Variants in REV1 observed in about 807,000 individuals in gnomAD.
REV1 encodes REV1 DNA directed polymerase.
REV1 carries 42 observed loss-of-function variants against 137.4 expected under a neutral mutation model. The observed-to-expected ratio is 0.31, with a 90% CI of 0.24 to 0.40. REV1 has a LOEUF of 0.40. REV1 is among the 10% of genes least tolerant of loss of function. REV1 has a pLI of 1.00. For missense variants in REV1, 1,282 were observed against 1,490.1 expected (o/e 0.86, Z 2.30); for synonymous variants, 524 against 519.2 (o/e 1.01, Z -0.12).
chr2:99,455,108 CA>C (rs1683393854), intron 3 of REV1, among the ~76,000 whole-genome samples: 3 of 152,330 alleles, frequency 2.0e-5, no homozygotes, highest in South Asian at 4.1e-4. Flanking sequence ...ATTGAGAAAA[CA>C]TTTACTATAT....
chr2:99,449,242 G>A, intron 4 of REV1, 94 bp downstream of exon 4: 1 of 701,048 alleles, frequency 1.4e-6, no homozygotes, highest in Admixed American at 4.3e-5. Flanking sequence ...TCTAGCCTGG[G>A]CGACAAAGCG....
intron 16 of REV1, 23 bp downstream of exon 16, chr2:99,406,302 G>T (rs904901098): frequency 1.3e-6 from 2 of 1,586,566 alleles, no homozygotes; most frequent in African/African-American, 2.7e-5. Flanking sequence ...ACCTAAAAAA[G>T]AACCACATTG....
chr2:99,438,594 T>A lies in REV1; in HGVS notation c.1213+7A>T, dbSNP rs766326747. The A allele has an allele frequency of 1.9e-6, 3 of 1,597,394 alleles. No individual in the cohort carries two copies. The highest frequency in any genetic ancestry group is 1.7e-5 in the Admixed American group (1 of 59,902). On this transcript the variant is annotated splice_region_variant and intron_variant, in intron 6 of 22. Transcript: ENST00000258428. ...TTCTTAAGAAGACAATTTTAATAAG[T>A]ATCTACCTGTGTCAGTTACAACAAG...
At chr2:99,437,840 C>T (rs1680958473) in intron 6 of REV1, among the ~76,000 whole-genome samples, 1 of 152,048 alleles carries the variant, frequency 6.6e-6, no homozygotes, top group Non-Finnish European at 1.5e-5. Context: ...CATAGGAATA[C>T]ATCAAACTCA....
chr2:99,452,009 C>G (rs1345279082), intron 3 of REV1, among the ~76,000 whole-genome samples: 6 of 151,818 alleles, frequency 4.0e-5, no homozygotes, highest in Non-Finnish European at 8.8e-5. Context: ...TTCTTCAATA[C>G]TAGAACATAC....
At chr2:99,403,465 CT>C in intron 19 of REV1, 1 of 617,554 alleles carries the variant, frequency 1.6e-6, no homozygotes. Flanking sequence ...CCTATTCCAA[CT>C]TTTTAAAAAG....
chr2:99,428,309 T>C (rs1679645782), intron 9 of REV1, among the ~76,000 whole-genome samples: 1 of 152,176 alleles, frequency 6.6e-6, no homozygotes, highest in Non-Finnish European at 1.5e-5. Flanking sequence ...ACTAGCCTAC[T>C]GAGCACAACA....
At chr2:99,486,917 GA>G (rs10711134) in intron 1 of REV1, among the ~76,000 whole-genome samples, 64,642 of 149,416 alleles carry the variant, frequency 0.43, 13,995 homozygotes, top group Admixed American at 0.58. Flanking sequence ...AAATAAGTGG[GA>G]AAAAAAAAAC....
intron 9 of REV1, among the ~76,000 whole-genome samples, chr2:99,428,991 CAA>C (rs762850171): frequency 1.7e-4 from 11 of 63,836 alleles, no homozygotes; most frequent in South Asian, 6.0e-4. Flanking sequence ...GACTCCGTCT[CAA>C]AAAAAAAAAA....
intron 3 of REV1, among the ~76,000 whole-genome samples, chr2:99,458,306 G>C (rs1445369988): frequency 6.6e-6 from 1 of 152,154 alleles, no homozygotes; most frequent in Non-Finnish European, 1.5e-5. Context: ...TTTCACCAAT[G>C]ATGATGTAAA....
chr2:99,407,877 A>G (rs1451537226), intron 15 of REV1, 152 bp downstream of exon 15: 2 of 422,452 alleles, frequency 4.7e-6, no homozygotes, highest in Non-Finnish European at 4.2e-6. Flanking sequence ...GGAAGTCAAG[A>G]ATTTTTGTTT....
intron 22 of REV1, among the ~76,000 whole-genome samples, chr2:99,401,613 G>A (rs146529914): frequency 0.011 from 1,671 of 152,176 alleles, 9 homozygotes; most frequent in Middle Eastern, 0.024. Context: ...TGGGCATGGT[G>A]GCACATGCCT....
intron 1 of REV1, among the ~76,000 whole-genome samples, chr2:99,471,803 A>G (rs962583867): frequency 2.6e-5 from 4 of 152,022 alleles, no homozygotes; most frequent in African/African-American, 9.7e-5. Context: ...GCACACAAAA[A>G]AACGTTCAGT....
intron 4 of REV1, among the ~76,000 whole-genome samples, chr2:99,448,869 A>G (rs1408289107): frequency 6.6e-6 from 1 of 152,168 alleles, no homozygotes; most frequent in Non-Finnish European, 1.5e-5. Context: ...TTAACATGCT[A>G]CTTTTATTAG....
At chr2:99,434,310 T>G (rs771945223) in intron 8 of REV1, 22 bp downstream of exon 8, 56 of 1,530,178 alleles carry the variant, frequency 3.7e-5, no homozygotes, top group Non-Finnish European at 5.0e-5. Context: ...GCACTAAGAC[T>G]TCAAAGAGAG....
chr2:99,434,615 T>C (rs1233683827), intron 7 of REV1, among the ~76,000 whole-genome samples, 167 bp from the exon 8 acceptor site: 3 of 152,220 alleles, frequency 2.0e-5, no homozygotes, highest in Non-Finnish European at 1.5e-5. Flanking sequence ...AATCACCATG[T>C]AAATGTCATT....
chr2:99,417,364 G>C (rs1400083517), intron 12 of REV1, among the ~76,000 whole-genome samples: 1 of 152,090 alleles, frequency 6.6e-6, no homozygotes, highest in East Asian at 1.9e-4. Context: ...GGCTGGTCTT[G>C]AACTCCTGGC....
At chr2:99,454,370 G>C (rs188384030) in intron 3 of REV1, among the ~76,000 whole-genome samples, 3 of 151,654 alleles carry the variant, frequency 2.0e-5, no homozygotes, top group African/African-American at 7.3e-5. Context: ...GACCAACATG[G>C]AGAAACCCCG....
intron 1 of REV1, among the ~76,000 whole-genome samples, chr2:99,469,425 C>T (rs939121130): frequency 1.3e-5 from 2 of 152,206 alleles, no homozygotes; most frequent in Non-Finnish European, 2.9e-5. Context: ...AACTCACCTA[C>T]CAGCTAAAAC....
Sources: gnomAD v4.1 joint callset for allele counts (sites outside exome capture counted in the v4.1 genomes callset) on GRCh38, gnomAD v4.1.1 for gene constraint, MANE v1.5 for transcripts, NCBI Gene and HGNC (gene_info 2026-07-23, HGNC 2026-07-21) for gene names.